The following INPP4B variants were observed in gnomAD, a reference collection of about 807,000 sequenced individuals.
The protein encoded by INPP4B is inositol polyphosphate-4-phosphatase type II B, also known as inositol polyphosphate 4-phosphatase type II.
Under a neutral mutation model 122.5 loss-of-function variants are expected in INPP4B, and 55 were observed. The observed-to-expected ratio is 0.45, with a 90% CI of 0.36 to 0.56. The LOEUF (loss-of-function observed/expected upper bound fraction) is 0.56, where lower values mean the gene tolerates loss of function less well. Among genes scored for constraint, INPP4B ranks in the 20% least tolerant of loss-of-function variants. INPP4B has a pLI of 0.00. For missense variants in INPP4B, 1,000 were observed against 1,097.7 expected, an observed-to-expected ratio of 0.91 and a Z score of 1.26; for synonymous variants, 403 against 388.7, an observed-to-expected ratio of 1.04 and a Z score of -0.43.
In INPP4B at chr4:142,146,059, A is replaced by T. The variant is rs1007816867; in HGVS notation, c.1564-63T>A. 14 of 1,551,948 alleles carry T rather than the reference A, an allele frequency of 9.0e-6. No homozygotes were observed. The East Asian group carries it at 3.2e-4, about 35-fold the overall frequency. On this transcript the variant is annotated intron_variant, in intron 17 of 25. Coordinates refer to ENST00000262992, the MANE Select transcript of INPP4B (RefSeq NM_001101669.3). ...CAAAAACAAGATAAGGCAAAGTCGG[A>T]TAAATCTATTTTAGAGAAGCATTTG...
chr4:142,659,276 G>A (rs993659589), intron 2 of INPP4B, among the ~76,000 whole-genome samples: 2 of 151,648 alleles, frequency 1.3e-5, no homozygotes, highest in African/African-American at 4.8e-5. Context: ...CGTGGTGGCA[G>A]ATGCCTGTAG....
chr4:142,261,878 A>C (rs890419682), intron 10 of INPP4B, among the ~76,000 whole-genome samples: 1 of 152,200 alleles, frequency 6.6e-6, no homozygotes, highest in African/African-American at 2.4e-5. Flanking sequence ...ATGGGGTACA[A>C]AAGTGCTTTC....
At chr4:142,505,412 G>A (rs923949795) in intron 2 of INPP4B, among the ~76,000 whole-genome samples, 1 of 152,024 alleles carries the variant, frequency 6.6e-6, no homozygotes, top group African/African-American at 2.4e-5. Flanking sequence ...TAAAAGGAAG[G>A]GAGTGGGCCC....
chr4:142,318,033 T>C (rs2151375367), intron 7 of INPP4B, among the ~76,000 whole-genome samples: 1 of 152,232 alleles, frequency 6.6e-6, no homozygotes, highest in East Asian at 1.9e-4. Context: ...CCTTGACACA[T>C]CCCAAATCTT....
chr4:142,228,058 A>C (rs543099936), intron 12 of INPP4B, among the ~76,000 whole-genome samples: 2 of 152,024 alleles, frequency 1.3e-5, no homozygotes, highest in East Asian at 3.9e-4. Context: ...AAAATACTAA[A>C]AATGGAAACA....
chr4:142,066,276 C>A (rs1307827417), intron 25 of INPP4B, among the ~76,000 whole-genome samples: 1 of 152,134 alleles, frequency 6.6e-6, no homozygotes, highest in East Asian at 1.9e-4. Flanking sequence ...TCACATTCTA[C>A]AGTCTACACA....
chr4:142,772,808 G>T (rs1179277808), intron 1 of INPP4B, among the ~76,000 whole-genome samples: 1 of 152,130 alleles, frequency 6.6e-6, no homozygotes, highest in Non-Finnish European at 1.5e-5. Context: ...ACTTTGGGAG[G>T]CCAAGGCAGG....
rs1368276379 is a variant in INPP4B at position 142,026,432 on chromosome 4, A to G, written c.*2350T>C. 6.6e-6 allele frequency: 1 copy of G among 152,234 alleles called. No individual in the cohort carries two copies. The highest frequency in any genetic ancestry group is 1.9e-4 in the East Asian group (1 of 5,200). The allele number at this position is 152,234 out of a possible 1,614,324, so 9.4% of individuals were successfully genotyped here. A position where few individuals can be genotyped will look rare whatever the true frequency, so the allele number is the denominator to read the frequency against. ...GAAAATTCATAAGCATTTGTATTAC[A>G]GTAAGCACTATAATTTGAGACTTCT... On this transcript the variant is annotated 3_prime_UTR_variant, in exon 26 of 26. Coordinates refer to ENST00000262992, the MANE Select transcript of INPP4B (RefSeq NM_001101669.3).
intron 1 of INPP4B, among the ~76,000 whole-genome samples, chr4:142,830,774 G>C (rs1174027768): frequency 6.7e-6 from 1 of 149,918 alleles, no homozygotes; most frequent in Middle Eastern, 3.4e-3. Flanking sequence ...AGCACTTTAG[G>C]AGGCAGAGAT....
chr4:142,514,050 A>C lies in INPP4B; in HGVS notation c.-190-51324T>G, dbSNP rs576364497. Among the ~76,000 whole-genome samples the C allele has an allele frequency of 1.3e-4, 20 of 152,286 alleles. No homozygotes were observed. The South Asian group carries it at 4.1e-3, about 32-fold the overall frequency. ...AGGGGGAAGTGCTTGCCAAATGTCC[A>C]TCTCCAAGTAGGCAATGTTTGATAT... On this transcript the variant is annotated intron_variant, in intron 2 of 25. Coordinates refer to ENST00000262992, the MANE Select transcript of INPP4B (RefSeq NM_001101669.3).
intron 25 of INPP4B, among the ~76,000 whole-genome samples, chr4:142,045,545 T>A (rs549760103): frequency 6.6e-6 from 1 of 152,200 alleles, no homozygotes; most frequent in East Asian, 1.9e-4. Flanking sequence ...ATTGAGCATT[T>A]TTCTTTTTTA....
At chr4:142,727,767 A>G (rs1404165530) in intron 1 of INPP4B, among the ~76,000 whole-genome samples, 1 of 152,182 alleles carries the variant, frequency 6.6e-6, no homozygotes, top group African/African-American at 2.4e-5. Flanking sequence ...AGTCCTAGCT[A>G]TTCGAAAGGC....
At chr4:142,175,689 G>A (rs571993454) in intron 15 of INPP4B, among the ~76,000 whole-genome samples, 1 of 152,166 alleles carries the variant, frequency 6.6e-6, no homozygotes, top group East Asian at 1.9e-4. Flanking sequence ...GTCTCTTTCT[G>A]GCTTCTTGAG....
intron 2 of INPP4B, among the ~76,000 whole-genome samples, chr4:142,709,525 T>G (rs776903229): frequency 1.3e-5 from 2 of 152,138 alleles, no homozygotes; most frequent in Non-Finnish European, 2.9e-5. Context: ...GTTCTCATAA[T>G]AGTGAGTTCT....
intron 7 of INPP4B, among the ~76,000 whole-genome samples, chr4:142,336,054 C>G (rs780542266): frequency 6.6e-5 from 10 of 152,212 alleles, no homozygotes; most frequent in Non-Finnish European, 1.0e-4. Flanking sequence ...CCCATAAAAA[C>G]CCCAGACTCA....
chr4:142,300,040 A>G (rs558016521), intron 9 of INPP4B, among the ~76,000 whole-genome samples: 1 of 152,344 alleles, frequency 6.6e-6, no homozygotes, highest in South Asian at 2.1e-4. Flanking sequence ...AAGTGTAGGA[A>G]TAGAAAATCA....
chr4:142,347,636 A>G, intron 7 of INPP4B: 1 of 346,262 alleles, frequency 2.9e-6, no homozygotes, highest in Non-Finnish European at 5.6e-6. Context: ...TTCAATAAAA[A>G]TAGTTTAAAA....
intron 7 of INPP4B, among the ~76,000 whole-genome samples, chr4:142,341,800 G>C (rs1047420868): frequency 1.0e-4 from 14 of 136,338 alleles, no homozygotes; most frequent in Admixed American, 8.6e-4. Flanking sequence ...AGAAATTGCA[G>C]GTGGCCTCCA....
chr4:142,809,003 A>G (rs1183929987), intron 1 of INPP4B, among the ~76,000 whole-genome samples: 1 of 152,078 alleles, frequency 6.6e-6, no homozygotes, highest in Non-Finnish European at 1.5e-5. Flanking sequence ...TTTCATTTGC[A>G]GGAATCTTTG....
Sources: gnomAD v4.1 joint callset for allele counts (sites outside exome capture counted in the v4.1 genomes callset) on GRCh38, gnomAD v4.1.1 for gene constraint, MANE v1.5 for transcripts, NCBI Gene and HGNC (gene_info 2026-07-23, HGNC 2026-07-21) for gene names.